ST8SIA6: variants seen among roughly 807,000 people sequenced by gnomAD.
The protein encoded by ST8SIA6 is ST8 alpha-N-acetyl-neuraminide alpha-2,8-sialyltransferase 6.
In ST8SIA6, 39 loss-of-function variants were observed where a neutral mutation model predicts 33.6. The ratio of observed to expected loss-of-function variants is 1.16; its 90% CI spans 0.90 to 1.52. The LOEUF (loss-of-function observed/expected upper bound fraction) is 1.52. Ranked by LOEUF, ST8SIA6 falls within the 40% of genes most tolerant of loss-of-function variation. The probability of loss-of-function intolerance (pLI) is 0.00; values close to 1 mark genes in which losing one functional copy is unlikely to be tolerated. For synonymous variants in ST8SIA6, 172 were observed against 167.2 expected (o/e 1.03, Z -0.22); for missense variants, 441 against 443.8 (o/e 0.99, Z 0.06).
In ST8SIA6 at chr10:17,315,585, T is replaced by C. The variant is rs1427257778; in HGVS notation, c.*5293A>G. 2.6e-5 allele frequency among the ~76,000 whole-genome samples: 4 copies of C among 152,042 alleles called. No homozygotes were observed. The highest frequency in any genetic ancestry group is 4.1e-4 in the South Asian group (2 of 4,834). On this transcript the variant is annotated 3_prime_UTR_variant, in exon 8 of 8. Transcript: ENST00000377602. ...ATACACAATCAACATGAATGAGTTTTAATATTATTATGTCGAGCAAAAGTG... is the reference window on the plus strand; with the variant it reads ...ATACACAATCAACATGAATGAGTTTCAATATTATTATGTCGAGCAAAAGTG...
chr10:17,336,511 C>T (rs545170502), intron 4 of ST8SIA6, among the ~76,000 whole-genome samples: 7 of 152,150 alleles, frequency 4.6e-5, no homozygotes, highest in African/African-American at 9.6e-5. Context: ...CGCCAAGCCC[C>T]AGAGGACACT....
intron 2 of ST8SIA6, among the ~76,000 whole-genome samples, chr10:17,445,711 A>T (rs1411370882): frequency 6.6e-6 from 1 of 152,184 alleles, no homozygotes; most frequent in South Asian, 2.1e-4. Flanking sequence ...ATTATATTCT[A>T]TTGTATCGTA....
chr10:17,413,130 CTA>C (rs929743240), intron 2 of ST8SIA6, among the ~76,000 whole-genome samples: 2 of 152,150 alleles, frequency 1.3e-5, no homozygotes, highest in African/African-American at 4.8e-5. Context: ...TTTTTCAACT[CTA>C]TCAAAGATTG....
chr10:17,332,482 T>G (rs1030966932), intron 4 of ST8SIA6, among the ~76,000 whole-genome samples: 2 of 152,204 alleles, frequency 1.3e-5, no homozygotes, highest in African/African-American at 4.8e-5. Context: ...TTTTATTTTT[T>G]GAGACAGAGT....
intron 2 of ST8SIA6, among the ~76,000 whole-genome samples, chr10:17,438,835 C>T (rs1852371974): frequency 1.3e-5 from 2 of 152,226 alleles, no homozygotes; most frequent in Non-Finnish European, 2.9e-5. Flanking sequence ...GAAAGGCAAA[C>T]TCTCATCTTT....
chr10:17,335,607 A>G (rs1293015679), intron 4 of ST8SIA6, among the ~76,000 whole-genome samples: 1 of 152,132 alleles, frequency 6.6e-6, no homozygotes, highest in Non-Finnish European at 1.5e-5. Context: ...TTCTTTTTGT[A>G]TTTTACAACC....
intron 2 of ST8SIA6, among the ~76,000 whole-genome samples, chr10:17,447,172 C>T (rs117436163): frequency 0.014 from 2,063 of 152,026 alleles, 26 homozygotes; most frequent in Non-Finnish European, 0.022. Context: ...GGCTGGATCA[C>T]GAGGTCAGGA....
chr10:17,317,366 G>A lies in ST8SIA6; in HGVS notation c.*3512C>T, dbSNP rs1478897465. 6.6e-6 allele frequency among the ~76,000 whole-genome samples: 1 copy of A among 152,020 alleles called. No individual in the cohort carries two copies. Among genetic ancestry groups the A allele is most frequent in the Non-Finnish European group, 1.5e-5 (1 of 68,008 alleles). ...GAGGGTACTGGTGACACTGTTCCTC[G>A]CTATGGGATCAGCCTTCTGAAGCCA... is the stretch of plus-strand genomic sequence containing the variant. On this transcript the variant is annotated 3_prime_UTR_variant, in exon 8 of 8. Transcript: ENST00000377602.
chr10:17,446,978 G>C (rs112006570), intron 2 of ST8SIA6, among the ~76,000 whole-genome samples: 2,031 of 149,360 alleles, frequency 0.014, 27 homozygotes, highest in Non-Finnish European at 0.022. Flanking sequence ...AACCCTGGGG[G>C]CAGAGGTTGC....
intron 4 of ST8SIA6, among the ~76,000 whole-genome samples, chr10:17,341,864 G>C (rs1465255561): frequency 5.6e-5 from 7 of 124,130 alleles, no homozygotes; most frequent in Non-Finnish European, 1.1e-4. Context: ...CCGCACTACT[G>C]CACTCCAGCC....
At chr10:17,420,676 A>G (rs1851754862) in intron 2 of ST8SIA6, among the ~76,000 whole-genome samples, 1 of 152,182 alleles carries the variant, frequency 6.6e-6, no homozygotes, top group African/African-American at 2.4e-5. Context: ...TTGTCTGCTG[A>G]TGGCCCACAC....
At chr10:17,420,574 T>A (rs1851750613) in intron 2 of ST8SIA6, among the ~76,000 whole-genome samples, 1 of 152,186 alleles carries the variant, frequency 6.6e-6, no homozygotes, top group African/African-American at 2.4e-5. Context: ...GGGGCTGATT[T>A]AGGCACCATG....
intron 6 of ST8SIA6, among the ~76,000 whole-genome samples, chr10:17,325,707 G>A (rs45606045): frequency 0.021 from 3,127 of 152,064 alleles, 37 homozygotes; most frequent in African/African-American, 0.029. Context: ...CACCAAACAC[G>A]TCTAGCCCTC....
intron 3 of ST8SIA6, among the ~76,000 whole-genome samples, chr10:17,375,827 C>T (rs1849896195): frequency 6.6e-6 from 1 of 152,070 alleles, no homozygotes. Flanking sequence ...TTAAATGCTC[C>T]GGTGCTCAGA....
intron 3 of ST8SIA6, among the ~76,000 whole-genome samples, chr10:17,377,002 G>C (rs1012785104): frequency 3.3e-5 from 5 of 152,172 alleles, no homozygotes; most frequent in African/African-American, 1.2e-4. Flanking sequence ...CATATCCCCT[G>C]TGACCTGCAG....
intron 3 of ST8SIA6, among the ~76,000 whole-genome samples, chr10:17,374,254 C>T (rs1009322828): frequency 6.6e-6 from 1 of 151,416 alleles, no homozygotes; most frequent in African/African-American, 2.4e-5. Flanking sequence ...AAACAATATA[C>T]GAATTCAAAT....
intron 2 of ST8SIA6, among the ~76,000 whole-genome samples, chr10:17,395,244 T>C (rs1850765515): frequency 6.6e-6 from 1 of 152,190 alleles, no homozygotes; most frequent in South Asian, 2.1e-4. Context: ...AATGTCTTTT[T>C]CTTTATGAAT....
At chr10:17,408,819 A>G (rs111304280) in intron 2 of ST8SIA6, among the ~76,000 whole-genome samples, 4,701 of 151,976 alleles carry the variant, frequency 0.031, 77 homozygotes, top group South Asian at 0.056. Context: ...GTGATGGCAC[A>G]ATGTTGGCTC....
At chr10:17,378,898 G>A (rs570858704) in intron 3 of ST8SIA6, among the ~76,000 whole-genome samples, 3 of 152,216 alleles carry the variant, frequency 2.0e-5, no homozygotes, top group East Asian at 1.9e-4. Flanking sequence ...AGGTCAAGGC[G>A]GGCGGATCAT....
Sources: gnomAD v4.1 joint callset for allele counts (sites outside exome capture counted in the v4.1 genomes callset) on GRCh38, gnomAD v4.1.1 for gene constraint, MANE v1.5 for transcripts, NCBI Gene and HGNC (gene_info 2026-07-23, HGNC 2026-07-21) for gene names.